FLT1: variants seen among roughly 807,000 people sequenced by gnomAD.
FLT1 encodes the protein fms related receptor tyrosine kinase 1.
A neutral mutation model predicts 156.3 loss-of-function variants in FLT1; 49 were observed. The observed-to-expected ratio is 0.31, with a 90% CI of 0.25 to 0.40. The LOEUF (loss-of-function observed/expected upper bound fraction) is 0.40, where lower values mean the gene tolerates loss of function less well. Among genes scored for constraint, FLT1 ranks in the 10% least tolerant of loss-of-function variants. The pLI, the probability that FLT1 is intolerant of heterozygous loss-of-function variation, is 1.00. For missense variants in FLT1, 1,322 were observed against 1,637.2 expected (o/e 0.81, Z 3.32); for synonymous variants, 594 against 583.8 (o/e 1.02, Z -0.25).
At chr13:28,304,862 C>G (rs369628755) in intron 29 of FLT1, among the ~76,000 whole-genome samples, 3 of 152,200 alleles carry the variant, frequency 2.0e-5, no homozygotes, top group Non-Finnish European at 2.9e-5. Context: ...AGCATGCATG[C>G]ATACTTCACA....
At chr13:28,419,834 G>T (rs1392719493) in intron 10 of FLT1, among the ~76,000 whole-genome samples, 1 of 152,178 alleles carries the variant, frequency 6.6e-6, no homozygotes, top group Non-Finnish European at 1.5e-5. Context: ...AGCCGAGATC[G>T]TGCCACTGCA....
intron 13 of FLT1, 149 bp from the exon 14 acceptor site, chr13:28,385,180 C>G (rs1004435507): frequency 2.5e-6 from 2 of 799,816 alleles, no homozygotes; most frequent in Non-Finnish European, 2.1e-6. Context: ...CAATCATTAA[C>G]CTGCTGCTTC....
intron 10 of FLT1, among the ~76,000 whole-genome samples, chr13:28,422,277 C>T (rs768598332): frequency 1.3e-4 from 20 of 149,486 alleles, no homozygotes; most frequent in Admixed American, 4.0e-4. Flanking sequence ...ATAAAGAAAA[C>T]GAGTTTTTTC....
At chr13:28,408,525 G>C (rs368038557) in intron 10 of FLT1, among the ~76,000 whole-genome samples, 6 of 152,196 alleles carry the variant, frequency 3.9e-5, no homozygotes, top group Admixed American at 1.3e-4. Flanking sequence ...AGAGATTTAG[G>C]GGGAGGGGAA....
chr13:28,433,348 C>A (rs1877814646), intron 6 of FLT1, among the ~76,000 whole-genome samples: 1 of 152,196 alleles, frequency 6.6e-6, no homozygotes, highest in East Asian at 1.9e-4. Context: ...TATTGGATGG[C>A]TGGGTTGTAA....
At chr13:28,474,527 C>CAGACACACACACA (rs1555245783) in intron 1 of FLT1, among the ~76,000 whole-genome samples, 1 of 143,620 alleles carries the variant, frequency 7.0e-6, no homozygotes, top group Non-Finnish European at 1.5e-5. Context: ...CACACACAAA[C>CAGACACACACACA]CCCACAAATC....
intron 20 of FLT1, among the ~76,000 whole-genome samples, chr13:28,323,940 T>C (rs1162759769): frequency 6.6e-6 from 1 of 152,212 alleles, no homozygotes; most frequent in Non-Finnish European, 1.5e-5. Flanking sequence ...AGGGTAGCAA[T>C]GGCCTTTCAC....
At position 28,322,976 on chromosome 13, in the gene FLT1, A is replaced by G; in HGVS notation, c.2797-30T>C. On this transcript the variant is annotated intron_variant, in intron 20 of 29. Coordinates refer to ENST00000282397, the MANE Select transcript of FLT1 (RefSeq NM_002019.4). This position sits in a 1 kb window ranked among gnomAD's most constrained non-coding sequence, Gnocchi z 4.3. ...GAAGAGACCGAAAAGGACCCAGGTG[A>G]AAAGGAGCTCCAGCACAGCAGTGGG... is the stretch of plus-strand genomic sequence containing the variant. The G allele has an allele frequency of 6.2e-7, 1 of 1,613,476 alleles. No individual in the cohort carries two copies. Among genetic ancestry groups the G allele is most frequent in the Non-Finnish European group, 8.5e-7 (1 of 1,179,474 alleles).
chr13:28,378,961 C>T (rs1325180052), intron 14 of FLT1, among the ~76,000 whole-genome samples: 1 of 152,068 alleles, frequency 6.6e-6, no homozygotes, highest in Non-Finnish European at 1.5e-5. Context: ...GTGATGTGCT[C>T]AATGACATGA....
chr13:28,310,977 T>A (rs190946881), intron 27 of FLT1, among the ~76,000 whole-genome samples: 1 of 152,332 alleles, frequency 6.6e-6, no homozygotes, highest in Admixed American at 6.5e-5. Flanking sequence ...ATAATTTTGG[T>A]GTGGTTTACA....
chr13:28,370,373 G>A (rs944496941), intron 14 of FLT1, among the ~76,000 whole-genome samples: 1 of 152,046 alleles, frequency 6.6e-6, no homozygotes, highest in Non-Finnish European at 1.5e-5. Context: ...GTTAAATGAC[G>A]AGTTAATGGG....
At chr13:28,357,189 AC>A (rs1337401092) in intron 15 of FLT1, among the ~76,000 whole-genome samples, 1 of 148,016 alleles carries the variant, frequency 6.8e-6, no homozygotes, top group African/African-American at 2.5e-5. Context: ...CTCCTCACCT[AC>A]CCCCCTCCCT....
intron 13 of FLT1, chr13:28,389,009 G>A (rs890450786): frequency 9.4e-7 from 1 of 1,065,024 alleles, no homozygotes; most frequent in African/African-American, 1.6e-5. Context: ...CGCATGAGAG[G>A]AGGGAGGGGA....
In FLT1 at chr13:28,390,100, C is replaced by A. The variant is rs766511725; in HGVS notation, c.1665G>T (p.Val555=). 1.2e-6 allele frequency: 2 copies of A among 1,612,900 alleles called. No homozygotes were observed. Among genetic ancestry groups the A allele is most frequent in the Admixed American group, 3.3e-5 (2 of 60,026 alleles). ...GRNISFYITD[V]PNGFHVNLEK... is the part of the protein sequence containing the mutation. ...CCAAGTTAACATGAAACCCATTTGG[C>A]ACATCTATAAAATAAGAATAAAGAA... The change falls in exon 13 of 30, where the codon GTG becomes GTT. Residue 555 remains valine (V), a synonymous_variant. Transcript: ENST00000282397.
At chr13:28,351,151 T>C (rs1229241550) in intron 15 of FLT1, among the ~76,000 whole-genome samples, 4 of 152,198 alleles carry the variant, frequency 2.6e-5, no homozygotes, top group African/African-American at 4.8e-5. Flanking sequence ...TAAGTACTCA[T>C]CAATTTCTGC....
At chr13:28,401,057 C>T (rs1022546052) in intron 11 of FLT1, among the ~76,000 whole-genome samples, 5 of 152,150 alleles carry the variant, frequency 3.3e-5, no homozygotes, top group Non-Finnish European at 7.3e-5. Flanking sequence ...GAAACCCTGT[C>T]TCTACTATAA....
intron 13 of FLT1, chr13:28,387,414 G>A (rs552506288): frequency 3.1e-5 from 33 of 1,054,570 alleles, no homozygotes; most frequent in African/African-American, 9.9e-5. Flanking sequence ...CCCATATTTC[G>A]AAACCTAAGT....
chr13:28,425,703 C>T (rs942398922), intron 10 of FLT1, among the ~76,000 whole-genome samples: 2 of 151,998 alleles, frequency 1.3e-5, no homozygotes, highest in African/African-American at 4.8e-5. Context: ...ACACTTTTAT[C>T]CGAATCTAAT....
At position 28,387,052 on chromosome 13, in the gene FLT1, G is replaced by C. The variant is rs191638407; in HGVS notation, c.1970-2021C>G. The stretch of plus-strand genomic sequence containing the variant: ...CAGACACGATTTGGACTCCCTGACA[G>C]GTGGATTGGAAAACGGTGTTTAAAG... On this transcript the variant is annotated intron_variant, in intron 13 of 29. Coordinates refer to ENST00000282397, the MANE Select transcript of FLT1 (RefSeq NM_002019.4). 20 of 1,037,358 alleles carry C rather than the reference G, an allele frequency of 1.9e-5. No individual in the cohort carries two copies. In the East Asian group the frequency reaches 4.8e-4, roughly 25 times the overall value. 64.3% of individuals were successfully genotyped at this position (1,037,358 alleles called of 1,614,324 possible). A position where few individuals can be genotyped will look rare whatever the true frequency, so the allele number is the denominator to read the frequency against.
Sources: gnomAD v4.1 joint callset for allele counts (sites outside exome capture counted in the v4.1 genomes callset) on GRCh38, gnomAD v4.1.1 for gene constraint, Gnocchi (gnomAD v3.1) non-coding constraint, MANE v1.5 for transcripts, NCBI Gene and HGNC (gene_info 2026-07-23, HGNC 2026-07-21) for gene names.